Variants in DAAM1 observed in about 807,000 individuals in gnomAD.
DAAM1 encodes disheveled-associated activator of morphogenesis 1.
DAAM1 carries 52 observed loss-of-function variants against 130.0 expected under a neutral mutation model. The observed-to-expected ratio is 0.40, with a 90% CI of 0.32 to 0.50. The LOEUF (loss-of-function observed/expected upper bound fraction) is 0.50, where lower values mean the gene tolerates loss of function less well. DAAM1 is among the 20% of genes least tolerant of loss of function. The probability of loss-of-function intolerance (pLI) is 0.61; values close to 1 mark genes in which losing one functional copy is unlikely to be tolerated. For missense variants in DAAM1, 1,134 were observed against 1,303.8 expected, an observed-to-expected ratio of 0.87 and a Z score of 2.01; for synonymous variants, 452 against 444.5, an observed-to-expected ratio of 1.02 and a Z score of -0.21.
At chr14:59,327,028 G>C (rs775254574) in intron 12 of DAAM1, 37 bp downstream of exon 12, 2 of 1,607,340 alleles carry the variant, frequency 1.2e-6, no homozygotes, top group South Asian at 2.2e-5. Context: ...CTGTGTTATT[G>C]GTTATTGGGT....
At chr14:59,332,030 C>A in intron 15 of DAAM1, 110 bp downstream of exon 15, 1 of 900,468 alleles carries the variant, frequency 1.1e-6, no homozygotes, top group Non-Finnish European at 1.7e-6. Context: ...GAATTCTAGG[C>A]TGTTGGATCT....
intron 1 of DAAM1, among the ~76,000 whole-genome samples, chr14:59,226,831 G>A (rs947832423): frequency 6.6e-6 from 1 of 152,180 alleles, no homozygotes; most frequent in Non-Finnish European, 1.5e-5. Flanking sequence ...TAGAACCTGG[G>A]AATGGACTGG....
intron 1 of DAAM1, among the ~76,000 whole-genome samples, chr14:59,220,318 A>G (rs1888730389): frequency 2.0e-5 from 3 of 152,172 alleles, no homozygotes; most frequent in Non-Finnish European, 1.5e-5. Context: ...TAAGTGGCAC[A>G]TGGATTAACT....
intron 1 of DAAM1, among the ~76,000 whole-genome samples, chr14:59,256,567 A>G (rs1050278055): frequency 1.3e-5 from 2 of 152,222 alleles, no homozygotes; most frequent in Non-Finnish European, 2.9e-5. Flanking sequence ...ATGTCCCAGA[A>G]GTGACTTCTT....
At chr14:59,359,154 TG>T (rs1886606296) in intron 20 of DAAM1, 2 of 300,414 alleles carry the variant, frequency 6.7e-6, no homozygotes. Context: ...TTTTAGAAAT[TG>T]TGTGCTTTTT....
At chr14:59,339,499 G>C (rs1885761848) in intron 15 of DAAM1, among the ~76,000 whole-genome samples, 1 of 152,130 alleles carries the variant, frequency 6.6e-6, no homozygotes, top group Non-Finnish European at 1.5e-5. Context: ...TGTTAGTTCA[G>C]GTAACTGAAC....
intron 1 of DAAM1, among the ~76,000 whole-genome samples, chr14:59,230,324 C>A (rs1453415022): frequency 1.3e-5 from 2 of 150,880 alleles, no homozygotes; most frequent in African/African-American, 4.9e-5. Flanking sequence ...TTTTTCCCCC[C>A]ACAAGCTAGG....
intron 1 of DAAM1, among the ~76,000 whole-genome samples, chr14:59,196,701 C>T (rs1211142779): frequency 2.0e-5 from 3 of 151,844 alleles, no homozygotes; most frequent in Non-Finnish European, 2.9e-5. Flanking sequence ...TGAGATCCTG[C>T]CACTGCACTC....
At chr14:59,323,322 G>C (rs1885091550) in intron 6 of DAAM1, 97 bp downstream of exon 6, 1 of 1,289,078 alleles carries the variant, frequency 7.8e-7, no homozygotes, top group Admixed American at 2.7e-5. Context: ...TACTTGAGAT[G>C]TCCTCTTGTG....
At chr14:59,269,561 A>G (rs1317825470) in intron 2 of DAAM1, among the ~76,000 whole-genome samples, 1 of 152,220 alleles carries the variant, frequency 6.6e-6, no homozygotes, top group Non-Finnish European at 1.5e-5. Flanking sequence ...AGCTTACGTG[A>G]GTAAAATGAA....
intron 1 of DAAM1, among the ~76,000 whole-genome samples, chr14:59,239,968 A>G (rs1889426176): frequency 6.6e-6 from 1 of 152,222 alleles, no homozygotes. Context: ...TTGTTTCCAA[A>G]ATGGGAACCC....
intron 12 of DAAM1, 41 bp downstream of exon 12, chr14:59,327,032 A>T: frequency 6.2e-7 from 1 of 1,606,164 alleles, no homozygotes; most frequent in Non-Finnish European, 8.5e-7. Flanking sequence ...GTTATTGGTT[A>T]TTGGGTGACC....
rs1367517482 is a variant in DAAM1, at chr14:59,331,677, C to T, written c.1861-136C>T. 2.0e-6 allele frequency: 3 copies of T among 1,497,060 alleles called. No individual in the cohort carries two copies. In the African/African-American group the frequency reaches 4.2e-5, roughly 21 times the overall value. The allele number at this position is 1,497,060 out of a possible 1,614,324, so 92.7% of individuals were successfully genotyped here. On this transcript the variant is annotated intron_variant, in intron 14 of 24. Transcript: ENST00000360909. ...GTGATAAAGCTTCTGAAATAAATGA[C>T]ACATTGTTTGAAACCCGTCACTTTG...
chr14:59,214,573 G>C (rs1888520800), intron 1 of DAAM1, among the ~76,000 whole-genome samples: 1 of 152,162 alleles, frequency 6.6e-6, no homozygotes, highest in African/African-American at 2.4e-5. Flanking sequence ...ACCAGTTCTG[G>C]ACATTTAATA....
intron 3 of DAAM1, among the ~76,000 whole-genome samples, chr14:59,310,877 A>C (rs1884560787): frequency 6.6e-6 from 1 of 152,212 alleles, no homozygotes; most frequent in African/African-American, 2.4e-5. Flanking sequence ...TTTGTGGTCT[A>C]GCGAACAACC....
chr14:59,363,628 ATTATTCATTTCCTGTGT>A lies in DAAM1; in HGVS notation c.2695-19_2695-3del. ...GTCTGTATTTGAAGCCTGCATTGAC[ATTATTCATTTCCTGTGT>A]TTAAGGAGCTGGAATATCAGAAGTC... On this transcript the variant is annotated splice_polypyrimidine_tract_variant and splice_region_variant and intron_variant, in intron 22 of 24. Coordinates refer to ENST00000360909, the MANE Select transcript of DAAM1 (RefSeq NM_001270520.2). 1 of 1,613,786 alleles carries A rather than the reference ATTATTCATTTCCTGTGT, an allele frequency of 6.2e-7. No individual in the cohort carries two copies. The highest frequency in any genetic ancestry group is 8.5e-7 in the Non-Finnish European group (1 of 1,179,830).
intron 3 of DAAM1, among the ~76,000 whole-genome samples, chr14:59,311,796 C>T (rs1015675406): frequency 2.0e-5 from 3 of 152,160 alleles, no homozygotes; most frequent in Non-Finnish European, 2.9e-5. Flanking sequence ...TCAAGTGATC[C>T]TCCCACCTCA....
At chr14:59,231,345 G>A (rs1400811141) in intron 1 of DAAM1, among the ~76,000 whole-genome samples, 1 of 152,066 alleles carries the variant, frequency 6.6e-6, no homozygotes, top group Non-Finnish European at 1.5e-5. Context: ...ATTTTTCTAA[G>A]TAGGAAAAGT....
At chr14:59,196,554 T>C (rs940383803) in intron 1 of DAAM1, among the ~76,000 whole-genome samples, 3 of 152,106 alleles carry the variant, frequency 2.0e-5, no homozygotes, top group African/African-American at 7.2e-5. Flanking sequence ...CCATTCTGGC[T>C]AACACGGTGA....
Sources: allele counts gnomAD v4.1 joint callset (sites outside exome capture counted in the v4.1 genomes callset), GRCh38; gene constraint gnomAD v4.1.1; transcripts MANE v1.5; gene names NCBI Gene and HGNC (gene_info 2026-07-23, HGNC 2026-07-21).